PTPRM: variants seen among roughly 807,000 people sequenced by gnomAD.
PTPRM encodes the protein protein tyrosine phosphatase receptor type M, also known as receptor-type tyrosine-protein phosphatase mu.
PTPRM carries 47 observed loss-of-function variants against 186.7 expected under a neutral mutation model. That is an observed-to-expected ratio of 0.25 (90% CI 0.20 to 0.32). The LOEUF (loss-of-function observed/expected upper bound fraction) is 0.32, where lower values mean the gene tolerates loss of function less well. Ranked by LOEUF, PTPRM falls within the 10% of genes least tolerant of loss-of-function variation. The pLI is 1.00. For synonymous variants in PTPRM, 668 were observed against 674.9 expected, an observed-to-expected ratio of 0.99 and a Z score of 0.16; for missense variants, 1,494 against 1,865.0, an observed-to-expected ratio of 0.80 and a Z score of 3.66.
intron 14 of PTPRM, among the ~76,000 whole-genome samples, chr18:8,163,852 G>A (rs1196602355): frequency 1.3e-5 from 2 of 152,184 alleles, no homozygotes; most frequent in African/African-American, 4.8e-5. Flanking sequence ...ACAATTTTGA[G>A]TTCTCAAAAA....
chr18:8,106,240 C>A (rs1274038996), intron 11 of PTPRM, among the ~76,000 whole-genome samples: 2 of 152,138 alleles, frequency 1.3e-5, no homozygotes, highest in Non-Finnish European at 2.9e-5. Flanking sequence ...TCATTGTCTT[C>A]CATCTTCTGT....
chr18:8,239,706 C>G (rs72911268), intron 14 of PTPRM, among the ~76,000 whole-genome samples: 35,726 of 152,008 alleles, frequency 0.24, 4,815 homozygotes, highest in African/African-American at 0.36. Flanking sequence ...AGCCTCAGTT[C>G]TCCAACAAAT....
intron 23 of PTPRM, among the ~76,000 whole-genome samples, chr18:8,367,352 C>T (rs2095636951): frequency 6.6e-6 from 1 of 152,266 alleles, no homozygotes; most frequent in East Asian, 1.9e-4. Flanking sequence ...CCTTGCCCAG[C>T]ACGCATTCTA....
intron 7 of PTPRM, among the ~76,000 whole-genome samples, chr18:8,042,820 C>T (rs1167786490): frequency 1.3e-5 from 2 of 152,150 alleles, no homozygotes; most frequent in African/African-American, 4.8e-5. Flanking sequence ...TGCTGTACAC[C>T]TGCCCAGCTA....
chr18:7,734,213 A>T (rs534025330), intron 1 of PTPRM, among the ~76,000 whole-genome samples: 6 of 152,342 alleles, frequency 3.9e-5, no homozygotes, highest in Admixed American at 6.5e-5. Context: ...AGGACGACAG[A>T]GATCAAGCAC....
At chr18:8,331,082 G>A (rs1432793423) in intron 22 of PTPRM, among the ~76,000 whole-genome samples, 4 of 104,680 alleles carry the variant, frequency 3.8e-5, no homozygotes, top group Non-Finnish European at 8.0e-5. Flanking sequence ...CCTGCTTTCT[G>A]TGTCAAGAAT....
intron 14 of PTPRM, among the ~76,000 whole-genome samples, chr18:8,224,962 T>G (rs2094196336): frequency 6.6e-6 from 1 of 152,226 alleles, no homozygotes; most frequent in African/African-American, 2.4e-5. Flanking sequence ...CTGAACTTGA[T>G]TAGCGAGTTG....
At chr18:7,641,840 G>A (rs1038225538) in intron 1 of PTPRM, among the ~76,000 whole-genome samples, 1 of 152,192 alleles carries the variant, frequency 6.6e-6, no homozygotes, top group Non-Finnish European at 1.5e-5. Flanking sequence ...TCTTATCTGT[G>A]AAGTGAGTAC....
intron 7 of PTPRM, among the ~76,000 whole-genome samples, chr18:8,045,686 G>A (rs956345440): frequency 2.6e-5 from 4 of 152,180 alleles, no homozygotes; most frequent in Non-Finnish European, 5.9e-5. Context: ...TGGGAAATGG[G>A]AGTGACTGCT....
chr18:8,008,606 G>T (rs1049862688), intron 7 of PTPRM, among the ~76,000 whole-genome samples: 3 of 152,174 alleles, frequency 2.0e-5, no homozygotes, highest in Admixed American at 6.6e-5. Context: ...TTGGTTGACA[G>T]AGACAAAATA....
At chr18:7,757,314 T>TA (rs1800485227) in intron 1 of PTPRM, among the ~76,000 whole-genome samples, 3 of 152,262 alleles carry the variant, frequency 2.0e-5, no homozygotes, top group Non-Finnish European at 4.4e-5. Flanking sequence ...GGGCATCTCT[T>TA]ACTGTGCTAA....
chr18:8,179,456 C>T (rs2093540113), intron 14 of PTPRM, among the ~76,000 whole-genome samples: 2 of 151,564 alleles, frequency 1.3e-5, no homozygotes, highest in Admixed American at 6.6e-5. Flanking sequence ...CCTAAATATC[C>T]CTCTTTTTTT....
At chr18:8,129,877 C>CA (rs1442216196) in intron 13 of PTPRM, among the ~76,000 whole-genome samples, 2 of 152,026 alleles carry the variant, frequency 1.3e-5, no homozygotes, top group African/African-American at 4.8e-5. Context: ...CCAACCTTGT[C>CA]AAAAAATCAA....
At chr18:7,592,303 A>C (rs933518554) in intron 1 of PTPRM, among the ~76,000 whole-genome samples, 7 of 152,206 alleles carry the variant, frequency 4.6e-5, no homozygotes, top group Non-Finnish European at 2.9e-5. Context: ...GAGCTAGGAG[A>C]GTAAAAATAG....
At chr18:7,642,113 T>C (rs1345144980) in intron 1 of PTPRM, among the ~76,000 whole-genome samples, 21 of 152,244 alleles carry the variant, frequency 1.4e-4, no homozygotes, top group Non-Finnish European at 5.9e-5. Flanking sequence ...ACTAGGTTAT[T>C]GACTCACGGT....
At chr18:7,631,229 C>A (rs1206814982) in intron 1 of PTPRM, among the ~76,000 whole-genome samples, 1 of 152,100 alleles carries the variant, frequency 6.6e-6, no homozygotes, top group African/African-American at 2.4e-5. Flanking sequence ...CTCAAAATGT[C>A]CTGTCAGCTT....
intron 7 of PTPRM, among the ~76,000 whole-genome samples, chr18:7,972,462 TA>T (rs11445030): frequency 2.2e-5 from 1 of 45,306 alleles, no homozygotes; most frequent in African/African-American, 1.3e-4. Context: ...AAAGTATAAT[TA>T]AAAAAAAAAA....
At chr18:7,709,300 G>T (rs1268523279) in intron 1 of PTPRM, among the ~76,000 whole-genome samples, 1 of 152,048 alleles carries the variant, frequency 6.6e-6, no homozygotes, top group Non-Finnish European at 1.5e-5. Context: ...AATAATAACT[G>T]AATGATCTTT....
intron 7 of PTPRM, among the ~76,000 whole-genome samples, chr18:7,992,821 A>G (rs2083332035): frequency 6.6e-6 from 1 of 152,156 alleles, no homozygotes; most frequent in East Asian, 1.9e-4. Flanking sequence ...CTAATGTTAA[A>G]TATTGAAACA....
Sources: allele counts gnomAD v4.1 joint callset (sites outside exome capture counted in the v4.1 genomes callset), GRCh38; gene constraint gnomAD v4.1.1; transcripts MANE v1.5; gene names NCBI Gene and HGNC (gene_info 2026-07-23, HGNC 2026-07-21).